SLC25A53: variants seen among roughly 807,000 people sequenced by gnomAD.
The protein encoded by SLC25A53 is solute carrier family 25 member 53.
SLC25A53 carries 5 observed loss-of-function variants against 15.0 expected under a neutral mutation model. That is an observed-to-expected ratio of 0.33 (90% CI 0.17 to 0.70). The LOEUF (loss-of-function observed/expected upper bound fraction) is 0.70, where lower values mean the gene tolerates loss of function less well. Among genes scored for constraint, SLC25A53 ranks in the 30% least tolerant of loss-of-function variants. The pLI is 0.67. For synonymous variants in SLC25A53, 95 were observed against 100.0 expected (o/e 0.95, Z 0.30); for missense variants, 216 against 241.6 (o/e 0.89, Z 0.70).
At position 104,104,883 on chromosome X, in the gene SLC25A53, G is replaced by A. The variant is rs782679427; in HGVS notation, c.375C>T (p.Gly125=). 9 of 1,209,964 alleles carry A rather than the reference G, an allele frequency of 7.4e-6. No homozygotes were observed. In the East Asian group the frequency reaches 1.2e-4, roughly 16 times the overall value. The change falls in exon 2 of 2, where the codon GGC becomes GGT. Residue 125 remains glycine (G), a synonymous_variant. Transcript: ENST00000594199. The part of the protein sequence containing the change: ...GHRWAAGLMS[G]VVEAVALSPF... ...GGCTGAGTGCCACGGCCTCCACCAC[G>A]CCAGACATGAGCCCGGCAGCCCAGC...
At chrX:104,147,700 C>A (rs1242564299) in intron 1 of SLC25A53, among the ~76,000 whole-genome samples, 1 of 111,735 alleles carries the variant, frequency 8.9e-6, no homozygotes, top group African/African-American at 3.3e-5. Context: ...ACATGAAAAA[C>A]TGCTCACCAT....
At chrX:104,146,643 G>A (rs1357593853) in intron 1 of SLC25A53, among the ~76,000 whole-genome samples, 4 of 111,520 alleles carry the variant, frequency 3.6e-5, no homozygotes, top group Non-Finnish European at 7.5e-5. Flanking sequence ...AAAATCACAA[G>A]CATTCTTATA....
chrX:104,156,066 A>AG (rs2075500015), intron 1 of SLC25A53, among the ~76,000 whole-genome samples: 1 of 105,826 alleles, frequency 9.4e-6, no homozygotes, highest in East Asian at 2.9e-4. Context: ...AAAAAAAAAA[A>AG]AAAGAAAGAA....
intron 1 of SLC25A53, among the ~76,000 whole-genome samples, chrX:104,151,889 T>A (rs1460810323): frequency 8.9e-6 from 1 of 111,763 alleles, no homozygotes; most frequent in Non-Finnish European, 1.9e-5. Flanking sequence ...CCTGTAAGAC[T>A]AGGTGTGGAT....
chrX:104,099,249 T>C lies in SLC25A53; in HGVS notation c.*5085A>G, dbSNP rs1186614568. 8 of 112,115 alleles carry C rather than the reference T, an allele frequency of 7.1e-5. No individual in the cohort carries two copies. The highest frequency in any genetic ancestry group is 1.5e-4 in the Non-Finnish European group (8 of 53,199). 9.2% of individuals were successfully genotyped at this position (112,115 alleles called of 1,213,427 possible). A position where few individuals can be genotyped will look rare whatever the true frequency, so the allele number is the denominator to read the frequency against. On this transcript the variant is annotated 3_prime_UTR_variant, in exon 2 of 2. Transcript: ENST00000594199. Reference sequence around the variant, plus strand: ...ATTCAATTTATTGTGTATTTCAAAATAGCTAGAAGAGAAGATTTGGAATGT... The same window carrying C: ...ATTCAATTTATTGTGTATTTCAAAACAGCTAGAAGAGAAGATTTGGAATGT...
intron 1 of SLC25A53, among the ~76,000 whole-genome samples, chrX:104,139,391 C>T (rs1327385265): frequency 8.9e-6 from 1 of 112,304 alleles, no homozygotes; most frequent in Non-Finnish European, 1.9e-5. Flanking sequence ...GTGGCACATG[C>T]CTGTAATCCC....
At chrX:104,121,709 A>G (rs1556362745) in intron 1 of SLC25A53, among the ~76,000 whole-genome samples, 1 of 107,240 alleles carries the variant, frequency 9.3e-6, no homozygotes, top group African/African-American at 3.4e-5. Context: ...AACATTTTCA[A>G]TGGAACTTTC....
rs368645928 is a variant in SLC25A53, at chrX:104,104,312, T to C, written c.*22A>G. On this transcript the variant is annotated 3_prime_UTR_variant, in exon 2 of 2. Transcript: ENST00000594199. The stretch of plus-strand genomic sequence containing the variant: ...CAGGGAAGATTTAGAATAACAAAGC[T>C]GCCATGCCACACTTTCTGCAGCTAG... 215 of 1,192,619 alleles carry C rather than the reference T, an allele frequency of 1.8e-4. No individual in the cohort carries two copies. The African/African-American group carries it at 3.4e-3, about 19-fold the overall frequency.
chrX:104,155,707 TG>T (rs2075498389), intron 1 of SLC25A53, among the ~76,000 whole-genome samples: 1 of 110,773 alleles, frequency 9.0e-6, no homozygotes. Flanking sequence ...CAGAGGCGCC[TG>T]GAAGTCCCAT....
intron 1 of SLC25A53, among the ~76,000 whole-genome samples, chrX:104,120,122 C>T (rs1303509847): frequency 8.9e-6 from 1 of 111,785 alleles, no homozygotes; most frequent in South Asian, 3.7e-4. Flanking sequence ...CTTTTACTGT[C>T]GGTGGACATT....
At chrX:104,114,960 GTC>G (rs782699367) in intron 1 of SLC25A53, 1 of 1,196,167 alleles carries the variant, frequency 8.4e-7, no homozygotes, top group South Asian at 1.8e-5. Context: ...TCCTGGTGGT[GTC>G]TCTGTACCCT....
intron 1 of SLC25A53, among the ~76,000 whole-genome samples, chrX:104,124,119 A>G (rs937047744): frequency 4.5e-5 from 5 of 111,463 alleles, no homozygotes; most frequent in Non-Finnish European, 9.4e-5. Context: ...CTGATTCTAG[A>G]TCCTTGAGGA....
At chrX:104,148,392 G>A (rs1273560665) in intron 1 of SLC25A53, among the ~76,000 whole-genome samples, 2 of 108,942 alleles carry the variant, frequency 1.8e-5, no homozygotes, top group African/African-American at 6.7e-5. Context: ...CATGGCACAT[G>A]TATACATATG....
rs782455826 is a variant in SLC25A53, at chrX:104,100,440, A to G, written c.*3894T>C. On this transcript the variant is annotated 3_prime_UTR_variant, in exon 2 of 2. Coordinates refer to ENST00000594199, the MANE Select transcript of SLC25A53 (RefSeq NM_001012755.5). ...TCCTAAAACTCATTTTTAATATCAG[A>G]AAACATAGCTCCATTAACATCACTA... 8.9e-6 allele frequency: 1 copy of G among 111,786 alleles called. No homozygotes were observed. The highest frequency in any genetic ancestry group is 1.9e-5 in the Non-Finnish European group (1 of 53,178). 9.2% of individuals were successfully genotyped at this position (111,786 alleles called of 1,213,427 possible).
chrX:104,129,248 C>T lies in SLC25A53; in HGVS notation c.-31-23960G>A, dbSNP rs182190602. On this transcript the variant is annotated intron_variant, in intron 1 of 1. Transcript: ENST00000594199. Reference sequence around the variant, plus strand: ...GATGTTATTTTAGCACCATACAGAGCGTCTTCACATATAGACTGGCAAGCC... The same window carrying T: ...GATGTTATTTTAGCACCATACAGAGTGTCTTCACATATAGACTGGCAAGCC... Among the ~76,000 whole-genome samples the T allele has an allele frequency of 1.6e-4, 18 of 111,652 alleles. No homozygotes were observed. The East Asian group carries it at 5.1e-3, about 31-fold the overall frequency.
rs2075376106 is a variant in SLC25A53 at position 104,116,118 on chromosome X, C to T, written c.-31-10830G>A. On this transcript the variant is annotated intron_variant, in intron 1 of 1. Coordinates refer to ENST00000594199, the MANE Select transcript of SLC25A53 (RefSeq NM_001012755.5). ...ATATCATGAGACATCAGATGGGGAA[C>T]GGGGGGGGGACAAAAATTGAAAATG... 3.9e-5 allele frequency among the ~76,000 whole-genome samples: 4 copies of T among 101,763 alleles called. No individual in the cohort carries two copies. The South Asian group carries it at 1.4e-3, about 34-fold the overall frequency. The allele number at this position is 101,763 out of a possible 115,157, so 88.4% of individuals were successfully genotyped here.
At chrX:104,131,407 G>C (rs2075425357) in intron 1 of SLC25A53, among the ~76,000 whole-genome samples, 1 of 111,657 alleles carries the variant, frequency 9.0e-6, no homozygotes, top group Admixed American at 9.5e-5. Context: ...GGAGCCACAT[G>C]TTACAGACTA....
intron 1 of SLC25A53, among the ~76,000 whole-genome samples, chrX:104,143,646 C>A (rs148892155): frequency 0.039 from 4,343 of 111,590 alleles, 177 homozygotes; most frequent in African/African-American, 0.13. Flanking sequence ...CTGAAAGTGA[C>A]GGGGAGAATG....
chrX:104,129,560 T>C (rs1556365057), intron 1 of SLC25A53, among the ~76,000 whole-genome samples: 1 of 108,740 alleles, frequency 9.2e-6, no homozygotes. Flanking sequence ...AACAAGAACA[T>C]TGCCTTTTCT....
Sources: allele counts gnomAD v4.1 joint callset (sites outside exome capture counted in the v4.1 genomes callset), GRCh38; gene constraint gnomAD v4.1.1; transcripts MANE v1.5; gene names NCBI Gene and HGNC (gene_info 2026-07-23, HGNC 2026-07-21).